Variants in COXFA4L3 observed in about 807,000 individuals in gnomAD.
COXFA4L3 encodes cytochrome c oxidase associated subunit FA4L3, also known as MIR147B host.
the COXFA4L3 span, chr15:45,432,032 TC>T: frequency 6.3e-7 from 1 of 1,579,102 alleles, no homozygotes. Context: ...TGGTTTAAAT[TC>T]ACATCTTTTA....
chr15:45,430,684 C>A, the COXFA4L3 span: 2 of 964,142 alleles, frequency 2.1e-6, no homozygotes, highest in South Asian at 1.6e-5. Flanking sequence ...GAGACGCGGA[C>A]GCGCCGGCCC....
At chr15:45,433,028 C>G in the COXFA4L3 span, 2 of 1,609,162 alleles carry the variant, frequency 1.2e-6, no homozygotes, top group African/African-American at 1.3e-5. Flanking sequence ...GAGCCCTCGC[C>G]TCTTTCTTCT....
chr15:45,431,794 G>A, the COXFA4L3 span, among the ~76,000 whole-genome samples: 963 of 152,206 alleles, frequency 6.3e-3, 8 homozygotes, highest in Middle Eastern at 0.024. Flanking sequence ...CACTCCCATG[G>A]TTATTTGGTT....
the COXFA4L3 span, among the ~76,000 whole-genome samples, chr15:45,431,692 A>G: frequency 6.6e-6 from 1 of 152,206 alleles, no homozygotes; most frequent in Admixed American, 6.5e-5. Flanking sequence ...AGAGGAGCCT[A>G]GAGCCCTGGA....
chr15:45,432,963 C>G, the COXFA4L3 span: 1 of 1,613,314 alleles, frequency 6.2e-7, no homozygotes, highest in Non-Finnish European at 8.5e-7. Flanking sequence ...AACAATCAAC[C>G]AACAATGGAA....
the COXFA4L3 span, chr15:45,430,929 G>T: frequency 1.9e-6 from 3 of 1,566,344 alleles, no homozygotes; most frequent in South Asian, 2.3e-5. Context: ...AATAAATACA[G>T]TTGTTTTGCT....
At chr15:45,431,674 C>T in the COXFA4L3 span, among the ~76,000 whole-genome samples, 2 of 152,138 alleles carry the variant, frequency 1.3e-5, no homozygotes, top group Non-Finnish European at 2.9e-5. Context: ...AGTCCTCTAA[C>T]CGCTGGCAGA....
chr15:45,432,244 C>T, the COXFA4L3 span: 1 of 822,922 alleles, frequency 1.2e-6, no homozygotes, highest in East Asian at 2.7e-5. Context: ...TCAATTGTGC[C>T]TTCATCGAGT....
At chr15:45,431,155 TAA>T in the COXFA4L3 span, 3 of 1,349,376 alleles carry the variant, frequency 2.2e-6, no homozygotes, top group Non-Finnish European at 2.1e-6. Context: ...ATGAAATGTA[TAA>T]GTTTCCTATT....
chr15:45,433,057 C>T, the COXFA4L3 span: 28 of 1,548,120 alleles, frequency 1.8e-5, no homozygotes, highest in Middle Eastern at 3.4e-4. Context: ...CTCTATAAAT[C>T]TAGTGGAAAC....
At chr15:45,430,707 C>T in the COXFA4L3 span, 3 of 1,307,718 alleles carry the variant, frequency 2.3e-6, no homozygotes, top group Admixed American at 6.6e-5. Context: ...AGTTGGCCTG[C>T]GGAGCGCGGT....
chr15:45,431,086 T>C, the COXFA4L3 span: 9 of 1,612,638 alleles, frequency 5.6e-6, no homozygotes, highest in Non-Finnish European at 7.6e-6. Context: ...ACCGATGTGA[T>C]GTAAGTAGGT....
At chr15:45,431,953 T>C in the COXFA4L3 span, 1 of 785,524 alleles carries the variant, frequency 1.3e-6, no homozygotes, top group Non-Finnish European at 2.1e-6. Flanking sequence ...TTCCTGATCA[T>C]TAGCAGACAC....
At chr15:45,431,289 A>G in the COXFA4L3 span, 1 of 437,448 alleles carries the variant, frequency 2.3e-6, no homozygotes, top group Non-Finnish European at 4.0e-6. Context: ...TTAGAAAAAA[A>G]AAAGAAAAAA....
chr15:45,432,858 G>T, the COXFA4L3 span: 3 of 1,007,610 alleles, frequency 3.0e-6, no homozygotes, highest in Non-Finnish European at 4.5e-6. Context: ...TTTTTCTAAA[G>T]GGGAGTGTGG....
At chr15:45,432,233 A>C in the COXFA4L3 span, 6 of 914,840 alleles carry the variant, frequency 6.6e-6, no homozygotes, top group African/African-American at 8.4e-5. Context: ...TGTAACTTAG[A>C]TCAATTGTGC....
chr15:45,430,687 G>A, the COXFA4L3 span: 3 of 1,019,350 alleles, frequency 2.9e-6, no homozygotes, highest in Non-Finnish European at 4.4e-6. Flanking sequence ...ACGCGGACGC[G>A]CCGGCCCGCA....
chr15:45,430,694 C>G, the COXFA4L3 span: 2 of 1,118,430 alleles, frequency 1.8e-6, no homozygotes, highest in Admixed American at 2.4e-5. Context: ...CGCGCCGGCC[C>G]GCAGTTGGCC....
chr15:45,432,015 T>C, the COXFA4L3 span: 8 of 1,445,580 alleles, frequency 5.5e-6, no homozygotes, highest in Non-Finnish European at 7.7e-6. Context: ...AAACCCAGTA[T>C]CAGTGTTGGT....
Sources: gnomAD v4.1 joint callset for allele counts (sites outside exome capture counted in the v4.1 genomes callset) on GRCh38, gnomAD v4.1.1 for gene constraint, MANE v1.5 for transcripts, NCBI Gene and HGNC (gene_info 2026-07-23, HGNC 2026-07-21) for gene names.